Variants in OR5BS1 observed in about 807,000 individuals in gnomAD.
The protein encoded by OR5BS1 is olfactory receptor family 5 subfamily BS member 1, also known as olfactory receptor 5BS1.
the OR5BS1 span, chr12:48,560,642 C>G: frequency 2.5e-6 from 1 of 401,122 alleles, no homozygotes; most frequent in Admixed American, 4.4e-5. Flanking sequence ...TTTTATACTT[C>G]AGGAGTTCTC....
the OR5BS1 span, among the ~76,000 whole-genome samples, chr12:48,561,308 A>G: frequency 6.6e-6 from 1 of 152,168 alleles, no homozygotes; most frequent in Non-Finnish European, 1.5e-5. Context: ...TGCCATCTTT[A>G]TTTCCTACTG....
the OR5BS1 span, chr12:48,560,629 A>G: frequency 2.5e-6 from 1 of 401,480 alleles, no homozygotes; most frequent in Non-Finnish European, 4.4e-6. Context: ...TGTGGTCACC[A>G]TCTTTTATAC....
At chr12:48,560,971 C>T in the OR5BS1 span, among the ~76,000 whole-genome samples, 95 of 152,136 alleles carry the variant, frequency 6.2e-4, 1 homozygote, top group Non-Finnish European at 2.6e-4. Flanking sequence ...GGTGTGGTCA[C>T]GTGCACCTGT....
chr12:48,560,460 C>T, the OR5BS1 span: 3 of 401,584 alleles, frequency 7.5e-6, no homozygotes, highest in African/African-American at 2.1e-5. Context: ...CTGACCCCTG[C>T]GCTAGCATCG....
the OR5BS1 span, among the ~76,000 whole-genome samples, chr12:48,560,948 TA>T: frequency 2.6e-5 from 4 of 151,968 alleles, no homozygotes; most frequent in Non-Finnish European, 5.9e-5. Flanking sequence ...ACTGAAAATA[TA>T]AAAATCAGCC....
At chr12:48,561,175 C>A in the OR5BS1 span, among the ~76,000 whole-genome samples, 1 of 151,496 alleles carries the variant, frequency 6.6e-6, no homozygotes, top group South Asian at 2.1e-4. Flanking sequence ...GAATTTAGAC[C>A]AAGATAAAGA....
chr12:48,559,959 G>A, the OR5BS1 span: 5 of 402,334 alleles, frequency 1.2e-5, no homozygotes, highest in East Asian at 3.6e-5. Context: ...TTCAGGCACT[G>A]CTCTTTGTTC....
At chr12:48,562,744 A>G in the OR5BS1 span, 4 of 401,162 alleles carry the variant, frequency 1.0e-5, no homozygotes, top group Non-Finnish European at 1.8e-5. Context: ...GCCAACAGTG[A>G]GAATTGTCAC....
At chr12:48,560,529 T>A in the OR5BS1 span, 9 of 401,890 alleles carry the variant, frequency 2.2e-5, no homozygotes, top group Non-Finnish European at 3.5e-5. Context: ...TTTTGCTGGG[T>A]TCCTACAGCT....
chr12:48,562,235 T>C, the OR5BS1 span, among the ~76,000 whole-genome samples: 2 of 152,232 alleles, frequency 1.3e-5, no homozygotes, highest in South Asian at 4.1e-4. Context: ...CTCAACTTTA[T>C]ACAAATAACA....
the OR5BS1 span, among the ~76,000 whole-genome samples, chr12:48,562,308 A>T: frequency 6.6e-6 from 1 of 152,354 alleles, no homozygotes; most frequent in Admixed American, 6.5e-5. Flanking sequence ...GATATTTTAA[A>T]CTAAGTGTAC....
chr12:48,560,347 G>A, the OR5BS1 span: 6 of 401,468 alleles, frequency 1.5e-5, no homozygotes, highest in East Asian at 2.1e-4. Flanking sequence ...AATGGGGACT[G>A]GCCTAATTAA....
At chr12:48,561,867 T>A in the OR5BS1 span, among the ~76,000 whole-genome samples, 3 of 152,198 alleles carry the variant, frequency 2.0e-5, no homozygotes, top group African/African-American at 4.8e-5. Flanking sequence ...AGTTTCCTCA[T>A]CTGCCATGAG....
chr12:48,560,039 C>G, the OR5BS1 span: 1 of 403,152 alleles, frequency 2.5e-6, no homozygotes, highest in Non-Finnish European at 4.4e-6. Context: ...AGTACTGATT[C>G]CCACCTCTGC....
chr12:48,559,950 TCAGG>T, the OR5BS1 span: 1 of 401,960 alleles, frequency 2.5e-6, no homozygotes, highest in Non-Finnish European at 4.4e-6. Flanking sequence ...ACCCTCAGGT[TCAGG>T]CACTGCTCTT....
the OR5BS1 span, chr12:48,562,917 G>C: frequency 2.5e-6 from 1 of 401,642 alleles, no homozygotes; most frequent in Middle Eastern, 3.1e-4. Context: ...AGGTGGCTCT[G>C]AGGAGGATGC....
At chr12:48,562,085 C>T in the OR5BS1 span, among the ~76,000 whole-genome samples, 1 of 152,070 alleles carries the variant, frequency 6.6e-6, no homozygotes, top group Non-Finnish European at 1.5e-5. Context: ...TGGTACTTAG[C>T]AAAATGTACC....
chr12:48,560,358 C>G, the OR5BS1 span: 1 of 401,598 alleles, frequency 2.5e-6, no homozygotes. Flanking sequence ...GCCTAATTAA[C>G]ACCCTCCTCC....
At chr12:48,560,699 A>T in the OR5BS1 span, 2 of 400,444 alleles carry the variant, frequency 5.0e-6, no homozygotes, top group Non-Finnish European at 8.8e-6. Flanking sequence ...GATATTCCTT[A>T]CCCTAAGTGG....
Sources: allele counts gnomAD v4.1 joint callset (sites outside exome capture counted in the v4.1 genomes callset), GRCh38; gene constraint gnomAD v4.1.1; transcripts MANE v1.5; gene names NCBI Gene and HGNC (gene_info 2026-07-23, HGNC 2026-07-21).